SVIL: variants seen among roughly 807,000 people sequenced by gnomAD.
SVIL encodes archvillin.
In SVIL, 101 loss-of-function variants were observed where a neutral mutation model predicts 240.4. The observed-to-expected ratio is 0.42, with a 90% CI of 0.36 to 0.50. The LOEUF is 0.50. Ranked by LOEUF, SVIL falls within the 20% of genes least tolerant of loss-of-function variation. The probability of loss-of-function intolerance (pLI) is 0.01; values close to 1 mark genes in which losing one functional copy is unlikely to be tolerated. For missense variants in SVIL, 2,512 were observed against 2,818.7 expected, an observed-to-expected ratio of 0.89 and a Z score of 2.46; for synonymous variants, 999 against 1,100.0, an observed-to-expected ratio of 0.91 and a Z score of 1.82.
Position 29,524,463 on chromosome 10 carries a change from C to T in SVIL, c.2586+9G>A, listed in dbSNP as rs751355774. The T allele has an allele frequency of 6.2e-7, 1 of 1,613,602 alleles. No individual in the cohort carries two copies. The highest frequency in any genetic ancestry group is 1.1e-5 in the South Asian group (1 of 91,028). ...CACACAAACTGCAATCGGACTATAG[C>T]ACACCCACCTGCTCCACCTCTCCCA... is the stretch of plus-strand genomic sequence containing the variant. On this transcript the variant is annotated intron_variant, in intron 14 of 37. Coordinates refer to ENST00000355867, the MANE Select transcript of SVIL (RefSeq NM_021738.3).
At position 29,555,199 on chromosome 10, in the gene SVIL, A is replaced by G. The variant is rs1953796344; in HGVS notation, c.-50-91T>C. 6 of 1,240,026 alleles carry G rather than the reference A, an allele frequency of 4.8e-6. No individual in the cohort carries two copies. In the South Asian group the frequency reaches 9.5e-5, roughly 20 times the overall value. The allele number at this position is 1,240,026 out of a possible 1,614,324, so 76.8% of individuals were successfully genotyped here. On this transcript the variant is annotated intron_variant, in intron 3 of 37. Transcript: ENST00000355867. ...ATGCAACGTGTTTATTGAACTGCAA[A>G]TTTCAGTTCTTGATTCCTATGTCAC...
chr10:29,569,113 C>T (rs1332966681), intron 2 of SVIL, 142 bp downstream of exon 2: 1 of 258,020 alleles, frequency 3.9e-6, no homozygotes, highest in Non-Finnish European at 6.1e-6. Flanking sequence ...TCCTCTGCTT[C>T]ATACATTTTA....
intron 17 of SVIL, among the ~76,000 whole-genome samples, chr10:29,511,031 TG>T (rs987666469): frequency 7.7e-6 from 1 of 129,238 alleles, no homozygotes; most frequent in Non-Finnish European, 1.7e-5. Flanking sequence ...CTGAGAAGAG[TG>T]GGAGAGTTCA....
chr10:29,522,474 T>G lies in SVIL; in HGVS notation c.3325A>C (p.Ile1109Leu). Residue 1109 changes from isoleucine (I) to leucine (L), a missense_variant, in exon 16 of 38, where the codon ATC (isoleucine) becomes CTC (leucine). Ile to Leu is a conservative substitution (Grantham distance 5). This residue lies in a region of SVIL where 1,443 missense variants were observed against 1,486.6 expected (regional missense o/e 0.97). Coordinates refer to ENST00000355867, the MANE Select transcript of SVIL (RefSeq NM_021738.3). ...NPCAMFAAGE[I>L]KTPTGEGLLD... is the part of the protein sequence containing the mutation. ...AGGCCCTCCCCTGTCGGCGTTTTGA[T>G]CTCTCCAGCAGCAAACATCGCACAT... 1 of 1,614,220 alleles carries G rather than the reference T, an allele frequency of 6.2e-7. No individual in the cohort carries two copies. The highest frequency in any genetic ancestry group is 8.5e-7 in the Non-Finnish European group (1 of 1,180,042).
chr10:29,708,432 C>A (rs2132661525), intron 1 of SVIL, among the ~76,000 whole-genome samples: 2 of 150,938 alleles, frequency 1.3e-5, no homozygotes, highest in East Asian at 3.9e-4. Flanking sequence ...ACCAGCCTGG[C>A]CAACATGGTG....
chr10:29,676,610 G>A (rs961517818), intron 2 of SVIL, among the ~76,000 whole-genome samples: 1 of 152,186 alleles, frequency 6.6e-6, no homozygotes, highest in Admixed American at 6.5e-5. Context: ...CAAGGGTTTG[G>A]CTGGCTCCAA....
intron 1 of SVIL, among the ~76,000 whole-genome samples, chr10:29,624,178 A>AC (rs1201169086): frequency 6.6e-6 from 1 of 151,560 alleles, no homozygotes; most frequent in South Asian, 2.1e-4. Flanking sequence ...AAAAAAAAAA[A>AC]AAAACCCCTA....
chr10:29,694,386 G>A (rs1440584972), intron 1 of SVIL, among the ~76,000 whole-genome samples: 1 of 151,988 alleles, frequency 6.6e-6, no homozygotes, highest in Non-Finnish European at 1.5e-5. Context: ...GGATGACAGA[G>A]TACAACCTGT....
intron 1 of SVIL, among the ~76,000 whole-genome samples, chr10:29,578,770 A>G (rs11816541): frequency 0.058 from 8,803 of 152,268 alleles, 728 homozygotes; most frequent in African/African-American, 0.18. Context: ...GCTTGAATGG[A>G]TCAATCAATC....
intron 15 of SVIL, 34 bp downstream of exon 15, chr10:29,523,417 G>A: frequency 1.3e-6 from 2 of 1,534,332 alleles, no homozygotes; most frequent in Non-Finnish European, 1.8e-6. Flanking sequence ...AAACCCAGTG[G>A]CTTTCTAAAG....
chr10:29,534,477 T>C (rs1429244158), intron 7 of SVIL, among the ~76,000 whole-genome samples: 3 of 152,216 alleles, frequency 2.0e-5, no homozygotes, highest in African/African-American at 7.2e-5. Flanking sequence ...CACTCCAGCA[T>C]AGGCAACAGA....
At chr10:29,726,152 G>A (rs56280905) in intron 1 of SVIL, among the ~76,000 whole-genome samples, 2 of 152,012 alleles carry the variant, frequency 1.3e-5, no homozygotes, top group African/African-American at 2.4e-5. Context: ...AAACTCCTGA[G>A]CTCAAGTGAT....
intron 2 of SVIL, among the ~76,000 whole-genome samples, chr10:29,659,252 A>G (rs962917511): frequency 7.2e-5 from 11 of 152,320 alleles, no homozygotes; most frequent in Admixed American, 2.0e-4. Flanking sequence ...GCAATCCCAG[A>G]CTACAGAGGA....
At chr10:29,533,524 G>A (rs577604071) in intron 7 of SVIL, 66 bp from the exon 8 acceptor site, 106 of 1,525,936 alleles carry the variant, frequency 6.9e-5, no homozygotes, top group Non-Finnish European at 8.4e-5. Context: ...GAAAGCATGC[G>A]TAGATCACAG....
At chr10:29,665,710 T>G (rs894488550) in intron 2 of SVIL, among the ~76,000 whole-genome samples, 2 of 152,010 alleles carry the variant, frequency 1.3e-5, no homozygotes, top group Non-Finnish European at 1.5e-5. Flanking sequence ...AGGACAATGG[T>G]GTGAACCCAG....
chr10:29,515,156 G>A (rs997812933), intron 16 of SVIL, among the ~76,000 whole-genome samples: 8 of 152,150 alleles, frequency 5.3e-5, no homozygotes, highest in Admixed American at 6.5e-5. Context: ...TAGAACTGGG[G>A]TAAGGCTGCC....
At position 29,458,448 on chromosome 10, in the gene SVIL, C is replaced by T. The variant is rs147020336; in HGVS notation, c.6544G>A (p.Asp2182Asn). 6.4e-5 allele frequency: 102 copies of T among 1,582,560 alleles called. No homozygotes were observed. The African/African-American group carries it at 8.5e-4, about 13-fold the overall frequency. Residue 2182 changes from aspartate (D) to asparagine (N), a missense_variant, in exon 37 of 38, where the codon GAC (aspartate) becomes AAC (asparagine). By Grantham distance (23) the Asp-to-Asn change is conservative. This residue lies in a region of SVIL where 797 missense variants were observed against 925.3 expected (regional missense o/e 0.86). Transcript: ENST00000355867. ...GAACCGCTTACCTCGAAGTCTTCGT[C>T]GGTGAGATAGATCTCAAGCTTCAGA... ...DPLKLEIYLT[D>N]EDFEFALDMT...
rs144735730 is a variant in SVIL at position 29,543,156 on chromosome 10, G to A, written c.828-7087C>T. Among the ~76,000 whole-genome samples the A allele has an allele frequency of 9.2e-5, 14 of 152,328 alleles. No homozygotes were observed. In the East Asian group the frequency reaches 2.7e-3, roughly 29 times the overall value. On this transcript the variant is annotated intron_variant, in intron 6 of 37. Transcript: ENST00000355867. ...ATTTATATTCTACTGCTCAAGGACA[G>A]CACCAAGGTCTGATTGCAAAAATTC...
At chr10:29,577,574 C>T (rs1473275275) in intron 1 of SVIL, among the ~76,000 whole-genome samples, 1 of 152,062 alleles carries the variant, frequency 6.6e-6, no homozygotes, top group African/African-American at 2.4e-5. Flanking sequence ...TTTCTTTATC[C>T]ACTTGTTGGT....
Sources: allele counts gnomAD v4.1 joint callset (sites outside exome capture counted in the v4.1 genomes callset), GRCh38; gene constraint gnomAD v4.1.1; regional missense constraint gnomAD v4.1.1; transcripts MANE v1.5; gene names NCBI Gene and HGNC (gene_info 2026-07-23, HGNC 2026-07-21).